The following PRKG1 variants were observed in gnomAD, a reference collection of about 807,000 sequenced individuals.
PRKG1 encodes protein kinase cGMP-dependent 1.
In PRKG1, 35 loss-of-function variants were observed where a neutral mutation model predicts 88.1. The observed-to-expected ratio is 0.40, with a 90% CI of 0.30 to 0.53. The LOEUF is 0.53. Among genes scored for constraint, PRKG1 ranks in the 20% least tolerant of loss-of-function variants. The pLI is 0.59. For missense variants in PRKG1, 540 were observed against 839.8 expected (o/e 0.64, Z 4.41); for synonymous variants, 303 against 292.5 (o/e 1.04, Z -0.37).
chr10:51,322,273 A>T (rs1268888449), intron 2 of PRKG1, among the ~76,000 whole-genome samples: 2 of 152,194 alleles, frequency 1.3e-5, no homozygotes, highest in South Asian at 2.1e-4. Context: ...AAATATAAAA[A>T]AGTGCATCTC....
chr10:51,732,635 A>G (rs1433540060), intron 3 of PRKG1, among the ~76,000 whole-genome samples: 1 of 152,214 alleles, frequency 6.6e-6, no homozygotes, highest in East Asian at 1.9e-4. Context: ...TTTGGAAACT[A>G]GAAATTATTA....
chr10:51,270,412 C>A (rs1407556790), intron 2 of PRKG1, among the ~76,000 whole-genome samples: 1 of 152,078 alleles, frequency 6.6e-6, no homozygotes, highest in African/African-American at 2.4e-5. Flanking sequence ...GATTTTTGGA[C>A]ATCTTATGCC....
intron 2 of PRKG1, among the ~76,000 whole-genome samples, chr10:51,161,022 T>C (rs943301536): frequency 6.6e-6 from 1 of 152,168 alleles, no homozygotes; most frequent in African/African-American, 2.4e-5. Context: ...GTAGGAGGCT[T>C]GAAAAGCCAT....
intron 2 of PRKG1, among the ~76,000 whole-genome samples, chr10:51,271,298 AT>A: frequency 6.6e-6 from 1 of 151,778 alleles, no homozygotes; most frequent in Non-Finnish European, 1.5e-5. Context: ...CCTGGTCATC[AT>A]CTAAATTCTT....
At chr10:51,800,020 C>A (rs971750034) in intron 3 of PRKG1, among the ~76,000 whole-genome samples, 1 of 151,930 alleles carries the variant, frequency 6.6e-6, no homozygotes, top group Non-Finnish European at 1.5e-5. Context: ...CTAGTAACTG[C>A]CATAATTTTG....
chr10:52,202,151 C>T (rs983086713), intron 9 of PRKG1, among the ~76,000 whole-genome samples: 7 of 151,952 alleles, frequency 4.6e-5, no homozygotes, highest in Non-Finnish European at 8.8e-5. Flanking sequence ...AAGGGGAATG[C>T]TTCCAGGTTT....
At chr10:51,002,671 T>G (rs1842901503) in intron 1 of PRKG1, among the ~76,000 whole-genome samples, 1 of 152,174 alleles carries the variant, frequency 6.6e-6, no homozygotes, top group Non-Finnish European at 1.5e-5. Context: ...TGTGACCCCT[T>G]TCATGTGAAA....
chr10:51,606,225 T>C (rs929063464), intron 3 of PRKG1, among the ~76,000 whole-genome samples: 1 of 152,184 alleles, frequency 6.6e-6, no homozygotes, highest in Non-Finnish European at 1.5e-5. Flanking sequence ...TTTTCAAAAC[T>C]GTTTCCCTCT....
intron 4 of PRKG1, among the ~76,000 whole-genome samples, chr10:51,891,629 G>C (rs10762472): frequency 0.5 from 75,343 of 151,932 alleles, 18,988 homozygotes; most frequent in African/African-American, 0.54. Context: ...AAGGTAATAG[G>C]AGCCTAGGAC....
intron 9 of PRKG1, among the ~76,000 whole-genome samples, chr10:52,223,116 CCAAA>C (rs1302959376): frequency 6.6e-6 from 1 of 152,138 alleles, no homozygotes; most frequent in Non-Finnish European, 1.5e-5. Flanking sequence ...AACCTACCAA[CCAAA>C]CAAACAAAAA....
intron 7 of PRKG1, among the ~76,000 whole-genome samples, chr10:52,088,622 G>A (rs1846975407): frequency 1.3e-5 from 2 of 152,274 alleles, no homozygotes; most frequent in African/African-American, 4.8e-5. Flanking sequence ...CACAGTAACA[G>A]GGTGCCATCT....
chr10:51,435,134 T>C (rs1197729294), intron 2 of PRKG1, among the ~76,000 whole-genome samples: 1 of 152,044 alleles, frequency 6.6e-6, no homozygotes, highest in Admixed American at 6.6e-5. Context: ...GGGAGGAGTT[T>C]GGTATGAAAT....
chr10:52,233,264 T>TG (rs1840572773), intron 9 of PRKG1, among the ~76,000 whole-genome samples: 1 of 150,650 alleles, frequency 6.6e-6, no homozygotes, highest in South Asian at 2.1e-4. Flanking sequence ...GAAAACTATG[T>TG]GGGAAAAAGG....
chr10:52,104,553 G>T (rs965505161), intron 7 of PRKG1, among the ~76,000 whole-genome samples: 1 of 151,944 alleles, frequency 6.6e-6, no homozygotes, highest in Admixed American at 6.6e-5. Flanking sequence ...CATGAATAAG[G>T]CCACCTCTGC....
intron 2 of PRKG1, among the ~76,000 whole-genome samples, chr10:51,428,870 G>T (rs1838674338): frequency 6.6e-6 from 1 of 152,202 alleles, no homozygotes; most frequent in African/African-American, 2.4e-5. Flanking sequence ...CAAAAGGACA[G>T]TAGATTCACC....
chr10:52,040,003 C>T (rs1404067931), intron 5 of PRKG1, among the ~76,000 whole-genome samples: 2 of 152,150 alleles, frequency 1.3e-5, no homozygotes, highest in Non-Finnish European at 2.9e-5. Context: ...CCATAAGAAC[C>T]ACATCCTCCA....
chr10:51,958,688 A>G, intron 5 of PRKG1, among the ~76,000 whole-genome samples: 1 of 151,964 alleles, frequency 6.6e-6, no homozygotes, highest in East Asian at 1.9e-4. Flanking sequence ...ATATTTTTAA[A>G]TAAAGTATAT....
At chr10:51,078,590 A>ATT (rs1554834242) in intron 1 of PRKG1, among the ~76,000 whole-genome samples, 9 of 137,310 alleles carry the variant, frequency 6.6e-5, no homozygotes, top group East Asian at 2.1e-4. Flanking sequence ...ATATTTATTT[A>ATT]TATTTATTTA....
At chr10:51,249,676 A>G (rs2132138705) in intron 2 of PRKG1, among the ~76,000 whole-genome samples, 1 of 151,988 alleles carries the variant, frequency 6.6e-6, no homozygotes, top group African/African-American at 2.4e-5. Context: ...CGCAAGTAGC[A>G]GCATATTATA....
Sources: allele counts gnomAD v4.1 joint callset (sites outside exome capture counted in the v4.1 genomes callset), GRCh38; gene constraint gnomAD v4.1.1; transcripts MANE v1.5; gene names NCBI Gene and HGNC (gene_info 2026-07-23, HGNC 2026-07-21).